Variants in DLGAP2 observed in about 807,000 individuals in gnomAD.
The protein encoded by DLGAP2 is disks large-associated protein 2.
In DLGAP2, 26 loss-of-function variants were observed where a neutral mutation model predicts 100.3. The observed-to-expected ratio is 0.26, with a 90% confidence interval of 0.19 to 0.36. The LOEUF (loss-of-function observed/expected upper bound fraction) is 0.36. DLGAP2 is among the 10% of genes least tolerant of loss of function. The pLI, the probability that DLGAP2 is intolerant of heterozygous loss-of-function variation, is 1.00. For synonymous variants in DLGAP2, 886 were observed against 630.1 expected (o/e 1.41, Z -6.08); for missense variants, 1,858 against 1,453.2 (o/e 1.28, Z -4.53).
chr8:1,209,248 A>G (rs1214013636), intron 2 of DLGAP2, among the ~76,000 whole-genome samples: 1 of 152,228 alleles, frequency 6.6e-6, no homozygotes, highest in African/African-American at 2.4e-5. Context: ...CCAACTTCAA[A>G]CTATACTATA....
At chr8:987,669 C>G (rs935319038) in intron 2 of DLGAP2, among the ~76,000 whole-genome samples, 3 of 152,140 alleles carry the variant, frequency 2.0e-5, no homozygotes, top group Non-Finnish European at 2.9e-5. Flanking sequence ...CTGTCTTCCC[C>G]TTGAATAGTA....
chr8:1,168,331 G>A (rs371474464), intron 2 of DLGAP2, among the ~76,000 whole-genome samples: 9 of 151,608 alleles, frequency 5.9e-5, no homozygotes, highest in East Asian at 3.9e-4. Flanking sequence ...GAATAGTGCC[G>A]CAATAAACAT....
intron 1 of DLGAP2, among the ~76,000 whole-genome samples, chr8:837,873 C>T (rs1002496399): frequency 4.7e-5 from 7 of 148,714 alleles, no homozygotes; most frequent in East Asian, 1.9e-4. Flanking sequence ...TGCATCACCA[C>T]GCCCGGCTAG....
chr8:790,098 A>G (rs1821988425), intron 1 of DLGAP2, among the ~76,000 whole-genome samples: 1 of 152,182 alleles, frequency 6.6e-6, no homozygotes, highest in African/African-American at 2.4e-5. Context: ...GAGCCAGTGG[A>G]GAAAGTAAGA....
intron 2 of DLGAP2, among the ~76,000 whole-genome samples, chr8:1,121,498 C>A (rs1796046895): frequency 6.6e-6 from 1 of 152,020 alleles, no homozygotes. Flanking sequence ...ACCTCCCATC[C>A]TTGTTCCTCC....
At chr8:1,010,136 C>A (rs752269976) in intron 2 of DLGAP2, among the ~76,000 whole-genome samples, 6 of 152,254 alleles carry the variant, frequency 3.9e-5, no homozygotes, top group Admixed American at 3.9e-4. Context: ...TCACAAGCTA[C>A]TTAACTACAT....
intron 2 of DLGAP2, among the ~76,000 whole-genome samples, chr8:921,635 G>T (rs755956949): frequency 6.6e-6 from 1 of 152,360 alleles, no homozygotes; most frequent in South Asian, 2.1e-4. Flanking sequence ...AAACTCCTCC[G>T]CTGGCAGCGC....
chr8:1,668,863 G>T (rs1401061422), intron 9 of DLGAP2, among the ~76,000 whole-genome samples, 185 bp downstream of exon 9: 2 of 152,176 alleles, frequency 1.3e-5, no homozygotes, highest in African/African-American at 4.8e-5. Flanking sequence ...TGAGTAGGTG[G>T]GAGACCCCCG....
At chr8:1,376,740 G>A (rs1795939359) in intron 3 of DLGAP2, among the ~76,000 whole-genome samples, 1 of 146,334 alleles carries the variant, frequency 6.8e-6, no homozygotes, top group African/African-American at 2.5e-5. Context: ...GGGATGTGTG[G>A]TCATCGGCGG....
chr8:1,282,585 A>T (rs1799839350), intron 3 of DLGAP2, among the ~76,000 whole-genome samples: 1 of 120,908 alleles, frequency 8.3e-6, no homozygotes, highest in Non-Finnish European at 1.7e-5. Context: ...AACCATCTGG[A>T]CATGGTGTGA....
At chr8:855,529 C>T (rs1390123493) in intron 1 of DLGAP2, among the ~76,000 whole-genome samples, 2 of 152,132 alleles carry the variant, frequency 1.3e-5, no homozygotes, top group East Asian at 1.9e-4. Flanking sequence ...AACAGCACCA[C>T]GTGTCACACA....
At chr8:1,037,823 G>T (rs926412176) in intron 2 of DLGAP2, among the ~76,000 whole-genome samples, 1 of 152,188 alleles carries the variant, frequency 6.6e-6, no homozygotes, top group Admixed American at 6.5e-5. Flanking sequence ...ATATGTGTCA[G>T]AATCACCCTG....
At chr8:1,616,622 G>A (rs150092405) in intron 6 of DLGAP2, among the ~76,000 whole-genome samples, 58 of 152,282 alleles carry the variant, frequency 3.8e-4, no homozygotes, top group African/African-American at 1.3e-3. Flanking sequence ...TATTGATTCA[G>A]AATACTATAC....
rs186488379 is a variant in DLGAP2, at chr8:769,914, C to A, written c.18+32089C>A. On this transcript the variant is annotated intron_variant, in intron 1 of 14. Transcript: ENST00000637795. ...AATGGACCACGGCTGAGCTGACTGG[C>A]TTCAGCAGCTGCGGGGGTCATGCCG... 1.2e-3 allele frequency among the ~76,000 whole-genome samples: 190 copies of A among 152,278 alleles called. 1 individual carries two copies. Among genetic ancestry groups the A allele is most frequent in the Admixed American group, 2.6e-4 (4 of 15,300 alleles).
intron 7 of DLGAP2, among the ~76,000 whole-genome samples, chr8:1,628,798 A>T (rs1332167578): frequency 6.6e-6 from 1 of 151,898 alleles, no homozygotes; most frequent in Non-Finnish European, 1.5e-5. Context: ...AGGGATTAAG[A>T]GCCTGAGCCG....
At chr8:1,700,081 C>A (rs1250941945) in intron 14 of DLGAP2, among the ~76,000 whole-genome samples, 1 of 152,162 alleles carries the variant, frequency 6.6e-6, no homozygotes, top group Non-Finnish European at 1.5e-5. Context: ...CTGGCCTAGT[C>A]ACGTAAAACA....
At chr8:1,329,955 C>T (rs1014171627) in intron 3 of DLGAP2, among the ~76,000 whole-genome samples, 1 of 152,258 alleles carries the variant, frequency 6.6e-6, no homozygotes, top group African/African-American at 2.4e-5. Flanking sequence ...TTCCTCTCCC[C>T]ATCCGATTCA....
At chr8:1,436,468 G>A (rs1298823920) in intron 3 of DLGAP2, among the ~76,000 whole-genome samples, 1 of 152,124 alleles carries the variant, frequency 6.6e-6, no homozygotes, top group Non-Finnish European at 1.5e-5. Context: ...GGGTGGGTCT[G>A]CCTCTCCCAG....
rs117049070 is a variant in DLGAP2 at position 1,311,684 on chromosome 8, A to G, written c.106+52801A>G. 8.3e-3 allele frequency among the ~76,000 whole-genome samples: 1,252 copies of G among 150,460 alleles called. 9 individuals carry two copies. The highest frequency in any genetic ancestry group is 0.014 in the Non-Finnish European group (935 of 67,784). ...TGACACACGAAAGGTGTCTGACAAAATCTCATAACTGTTCATGATAAAAAA... is the reference window on the plus strand; with the variant it reads ...TGACACACGAAAGGTGTCTGACAAAGTCTCATAACTGTTCATGATAAAAAA... On this transcript the variant is annotated intron_variant, in intron 3 of 14. Transcript: ENST00000637795.
Sources: gnomAD v4.1 joint callset for allele counts (sites outside exome capture counted in the v4.1 genomes callset) on GRCh38, gnomAD v4.1.1 for gene constraint, MANE v1.5 for transcripts, NCBI Gene and HGNC (gene_info 2026-07-23, HGNC 2026-07-21) for gene names.